Variants in STAC observed in about 807,000 individuals in gnomAD.
STAC encodes the protein SH3 and cysteine rich domain, also known as SH3 and cysteine-rich domain-containing protein.
STAC carries 43 observed loss-of-function variants against 48.8 expected under a neutral mutation model. That is an observed-to-expected ratio of 0.88 (90% confidence interval 0.69 to 1.14). The LOEUF (loss-of-function observed/expected upper bound fraction) is 1.14, where lower values mean the gene tolerates loss of function less well. Among genes scored for constraint, STAC ranks in the 50% most tolerant of loss-of-function variants. The pLI is 0.00. For synonymous variants in STAC, 193 were observed against 179.5 expected (o/e 1.07, Z -0.60); for missense variants, 497 against 504.0 (o/e 0.99, Z 0.13).
chr3:36,404,261 T>C (rs1348985041), intron 1 of STAC, among the ~76,000 whole-genome samples: 1 of 152,218 alleles, frequency 6.6e-6, no homozygotes, highest in Non-Finnish European at 1.5e-5. Context: ...TCCAATCATA[T>C]ACCAACAAGT....
Position 36,484,993 on chromosome 3 carries a change from G to C in STAC, c.506G>C (p.Arg169Pro), listed in dbSNP as rs141427741. The C allele has an allele frequency of 6.2e-7, 1 of 1,600,974 alleles. No individual in the cohort carries two copies. The highest frequency in any genetic ancestry group is 2.3e-5 in the East Asian group (1 of 43,762). The stretch of plus-strand genomic sequence containing the variant: ...TCTCTCCAGCCAAAGGGGTTTCGGC[G>C]TTACTACAGCTCCCCCTTGCTCATT... Reference protein sequence around the residue: ...CMGKLPKGFRRYYSSPLLIHE... With the variant: ...CMGKLPKGFRPYYSSPLLIHE... Residue 169 changes from arginine (R) to proline (P), a missense_variant, in exon 4 of 11, where the codon CGT (arginine) becomes CCT (proline). Transcript: ENST00000273183.
intron 1 of STAC, among the ~76,000 whole-genome samples, chr3:36,386,058 C>T (rs1699608741): frequency 6.6e-6 from 1 of 152,044 alleles, no homozygotes; most frequent in African/African-American, 2.4e-5. Flanking sequence ...TCAGCTTTAA[C>T]ATACTTTTCA....
chr3:36,428,517 A>G (rs1203228475), intron 1 of STAC, among the ~76,000 whole-genome samples: 1 of 152,248 alleles, frequency 6.6e-6, no homozygotes, highest in Middle Eastern at 3.2e-3. Context: ...TTCAAAATAA[A>G]AAGTTAAGAA....
intron 1 of STAC, among the ~76,000 whole-genome samples, chr3:36,404,916 T>C (rs1486701740): frequency 1.3e-5 from 2 of 152,164 alleles, no homozygotes; most frequent in Non-Finnish European, 2.9e-5. Context: ...ATATTCTTTA[T>C]TATAAATGCA....
At chr3:36,526,834 G>A (rs1030386660) in intron 8 of STAC, among the ~76,000 whole-genome samples, 1 of 152,058 alleles carries the variant, frequency 6.6e-6, no homozygotes, top group African/African-American at 2.4e-5. Context: ...CCTTCTAGAG[G>A]GCATGGAAAA....
chr3:36,473,528 T>C (rs977026802), intron 2 of STAC, among the ~76,000 whole-genome samples: 2 of 152,214 alleles, frequency 1.3e-5, no homozygotes, highest in African/African-American at 4.8e-5. Context: ...TTTGTGCTCA[T>C]GACAGCCTTT....
intron 6 of STAC, among the ~76,000 whole-genome samples, chr3:36,496,181 G>A (rs574113375): frequency 6.6e-6 from 1 of 152,210 alleles, no homozygotes; most frequent in Non-Finnish European, 1.5e-5. Flanking sequence ...AAGTGTTGGA[G>A]ATGTATTAAC....
chr3:36,424,752 A>G (rs1054180090), intron 1 of STAC, among the ~76,000 whole-genome samples: 1 of 152,216 alleles, frequency 6.6e-6, no homozygotes, highest in South Asian at 2.1e-4. Flanking sequence ...GGTACCAACT[A>G]AAAGGAGCTC....
At chr3:36,453,331 G>A (rs542484817) in intron 2 of STAC, among the ~76,000 whole-genome samples, 3 of 152,324 alleles carry the variant, frequency 2.0e-5, no homozygotes, top group African/African-American at 7.2e-5. Context: ...CTCAGCTTGC[G>A]GCGAGGTGTG....
At chr3:36,538,138 T>C (rs1699241500) in intron 10 of STAC, among the ~76,000 whole-genome samples, 1 of 152,186 alleles carries the variant, frequency 6.6e-6, no homozygotes, top group Non-Finnish European at 1.5e-5. Context: ...CATATTTTGA[T>C]ATCATATCCT....
intron 8 of STAC, among the ~76,000 whole-genome samples, chr3:36,524,325 G>A (rs1236239167): frequency 1.3e-5 from 2 of 152,132 alleles, no homozygotes; most frequent in Non-Finnish European, 2.9e-5. Context: ...CAGGCGCGGT[G>A]GCTCACGCCT....
chr3:36,522,187 A>G (rs567713083), intron 8 of STAC, among the ~76,000 whole-genome samples: 13 of 152,348 alleles, frequency 8.5e-5, no homozygotes, highest in Middle Eastern at 3.4e-3. Context: ...GAGATAGCCA[A>G]TCCTCAAAGA....
intron 2 of STAC, among the ~76,000 whole-genome samples, chr3:36,471,077 T>G (rs1697319629): frequency 6.6e-6 from 1 of 151,998 alleles, no homozygotes; most frequent in South Asian, 2.1e-4. Flanking sequence ...TACCCGAAAC[T>G]GGGAAGAAAA....
At chr3:36,383,717 T>C (rs1382895727) in intron 1 of STAC, among the ~76,000 whole-genome samples, 1 of 152,246 alleles carries the variant, frequency 6.6e-6, no homozygotes, top group African/African-American at 2.4e-5. Flanking sequence ...AAGTTGTCCA[T>C]GTACATGCAT....
intron 2 of STAC, among the ~76,000 whole-genome samples, chr3:36,452,173 G>A (rs533675158): frequency 5.9e-5 from 9 of 152,244 alleles, no homozygotes; most frequent in Non-Finnish European, 1.2e-4. Context: ...GAAGGATTTG[G>A]ATTGTGAGAT....
At chr3:36,482,405 C>T (rs925188667) in intron 2 of STAC, among the ~76,000 whole-genome samples, 4 of 152,120 alleles carry the variant, frequency 2.6e-5, no homozygotes, top group African/African-American at 7.2e-5. Flanking sequence ...GCACCCTGTC[C>T]CAAGAAGCTA....
rs1419924924 is a variant in STAC at position 36,505,737 on chromosome 3, C to A, written c.832-9C>A. 1.2e-5 allele frequency: 18 copies of A among 1,553,844 alleles called. No individual in the cohort carries two copies. The highest frequency in any genetic ancestry group is 1.9e-5 in the Admixed American group (1 of 51,458). ...TCTTTTCTCATTTTTCTTTTATTTT[C>A]TCTTTCAGGGATCTCTTTCCAAAGA... On this transcript the variant is annotated splice_polypyrimidine_tract_variant and intron_variant, in intron 7 of 10. Transcript: ENST00000273183.
intron 1 of STAC, among the ~76,000 whole-genome samples, chr3:36,425,120 C>G (rs1362546454): frequency 1.3e-5 from 2 of 152,082 alleles, no homozygotes; most frequent in African/African-American, 4.8e-5. Context: ...TTTAAAAAGT[C>G]TTATAGTCAC....
rs574640753 is a variant in STAC at position 36,537,398 on chromosome 3, A to G, written c.1110+8413A>G. Among the ~76,000 whole-genome samples the G allele has an allele frequency of 2.3e-3, 350 of 152,314 alleles. 1 individual carries two copies. The highest frequency in any genetic ancestry group is 4.1e-3 in the Non-Finnish European group (282 of 68,034). On this transcript the variant is annotated intron_variant, in intron 10 of 10. Coordinates refer to ENST00000273183, the MANE Select transcript of STAC (RefSeq NM_003149.3). ...ATAAGATCATGTCCTTTGCAGGGAC[A>G]TGGATGGAGCTGGAAGCCATTATCC... is the stretch of plus-strand genomic sequence containing the variant.
Sources: allele counts gnomAD v4.1 joint callset (sites outside exome capture counted in the v4.1 genomes callset), GRCh38; gene constraint gnomAD v4.1.1; transcripts MANE v1.5; gene names NCBI Gene and HGNC (gene_info 2026-07-23, HGNC 2026-07-21).